PTPRJ: variants seen among roughly 807,000 people sequenced by gnomAD.
PTPRJ encodes receptor-type tyrosine-protein phosphatase eta.
Under a neutral mutation model 141.3 loss-of-function variants are expected in PTPRJ, and 129 were observed. The observed-to-expected ratio is 0.91, with a 90% CI of 0.79 to 1.06. The LOEUF (loss-of-function observed/expected upper bound fraction) is 1.06. Among genes scored for constraint, PTPRJ ranks in the 50% least tolerant of loss-of-function variants. The pLI is 0.00. For missense variants in PTPRJ, 1,601 were observed against 1,679.7 expected (o/e 0.95, Z 0.82); for synonymous variants, 610 against 640.5 (o/e 0.95, Z 0.72).
chr11:47,999,898 C>T (rs1854446691), intron 1 of PTPRJ, among the ~76,000 whole-genome samples: 1 of 145,924 alleles, frequency 6.9e-6, no homozygotes. Context: ...GCTCTGTCAC[C>T]CAGGCTGGAG....
At chr11:48,059,501 A>T (rs1590452088) in intron 1 of PTPRJ, among the ~76,000 whole-genome samples, 1 of 152,098 alleles carries the variant, frequency 6.6e-6, no homozygotes, top group Non-Finnish European at 1.5e-5. Context: ...CTACAGGGGG[A>T]TGCTGGTCTG....
chr11:48,115,390 G>A (rs1856539581), intron 3 of PTPRJ, among the ~76,000 whole-genome samples: 1 of 152,036 alleles, frequency 6.6e-6, no homozygotes, highest in South Asian at 2.1e-4. Flanking sequence ...GAGAGAGTGG[G>A]ATGATATATT....
At chr11:48,051,460 G>A (rs1019611589) in intron 1 of PTPRJ, among the ~76,000 whole-genome samples, 1 of 152,162 alleles carries the variant, frequency 6.6e-6, no homozygotes, top group Non-Finnish European at 1.5e-5. Flanking sequence ...CATGGCATAG[G>A]AAAATGATTC....
chr11:48,032,620 G>A (rs1004346763), intron 1 of PTPRJ, among the ~76,000 whole-genome samples: 4 of 152,124 alleles, frequency 2.6e-5, no homozygotes, highest in Admixed American at 6.5e-5. Flanking sequence ...TTAGTCGGGC[G>A]TGGTGGCACA....
At chr11:48,130,171 C>CA (rs1856937555) in intron 7 of PTPRJ, among the ~76,000 whole-genome samples, 1 of 151,084 alleles carries the variant, frequency 6.6e-6, no homozygotes, top group African/African-American at 2.4e-5. Flanking sequence ...GGTTCTCCTC[C>CA]AGAGCCTGAG....
At chr11:48,098,084 C>T (rs945374454) in intron 1 of PTPRJ, among the ~76,000 whole-genome samples, 1 of 152,174 alleles carries the variant, frequency 6.6e-6, no homozygotes, top group Admixed American at 6.5e-5. Context: ...AGGATCTTGT[C>T]CCCTTTATGA....
chr11:48,083,365 G>A (rs1855617190), intron 1 of PTPRJ, among the ~76,000 whole-genome samples: 1 of 152,230 alleles, frequency 6.6e-6, no homozygotes. Context: ...GGAGGCGAAG[G>A]TTGCAGTGAG....
At chr11:48,064,588 G>A (rs868787001) in intron 1 of PTPRJ, among the ~76,000 whole-genome samples, 32 of 151,510 alleles carry the variant, frequency 2.1e-4, no homozygotes, top group Non-Finnish European at 1.2e-4. Flanking sequence ...TACGAAGCCC[G>A]AGCTGCAAAT....
chr11:47,980,886 C>A lies in PTPRJ; in HGVS notation c.-27C>A. On this transcript the variant is annotated 5_prime_UTR_variant, in exon 1 of 25. Coordinates refer to ENST00000418331, the MANE Select transcript of PTPRJ (RefSeq NM_002843.4). ...CACGGCGGGGCCCGATTCGCGCGTC[C>A]GGGGCACGTTCCAGGGCGCGCGGGG... 2 of 1,126,266 alleles carry A rather than the reference C, an allele frequency of 1.8e-6. No homozygotes were observed. Among genetic ancestry groups the A allele is most frequent in the East Asian group, 4.8e-5 (1 of 20,974 alleles). 69.8% of individuals were successfully genotyped at this position (1,126,266 alleles called of 1,614,324 possible). A position where few individuals can be genotyped will look rare whatever the true frequency, so the allele number is the denominator to read the frequency against.
At chr11:48,123,164 G>A (rs1452667084) in intron 4 of PTPRJ, among the ~76,000 whole-genome samples, 1 of 152,178 alleles carries the variant, frequency 6.6e-6, no homozygotes, top group Non-Finnish European at 1.5e-5. Flanking sequence ...AAATGTCTTG[G>A]TAATTTAAAA....
intron 1 of PTPRJ, among the ~76,000 whole-genome samples, chr11:48,106,763 CTTTTTTTTTTT>C (rs35643138): frequency 3.5e-5 from 3 of 86,452 alleles, no homozygotes; most frequent in African/African-American, 1.3e-4. Flanking sequence ...TTCTTTCTTT[CTTTTTTTTTTT>C]TTTTTTTTTT....
At position 48,131,490 on chromosome 11, in the gene PTPRJ, C is replaced by G. The variant is rs1476329430; in HGVS notation, c.1615+774C>G. On this transcript the variant is annotated intron_variant, in intron 8 of 24. Coordinates refer to ENST00000418331, the MANE Select transcript of PTPRJ (RefSeq NM_002843.4). ...CAATTAATTATGAATATTCTTTCCTCTTAATAAAATATTTCTACAGGATGA... is the reference window on the plus strand; with the variant it reads ...CAATTAATTATGAATATTCTTTCCTGTTAATAAAATATTTCTACAGGATGA... 7 of 774,648 alleles carry G rather than the reference C, an allele frequency of 9.0e-6. No homozygotes were observed. The Admixed American group carries it at 1.2e-4, about 13-fold the overall frequency. 48.0% of individuals were successfully genotyped at this position (774,648 alleles called of 1,614,324 possible).
At chr11:47,988,332 T>A (rs1854104209) in intron 1 of PTPRJ, among the ~76,000 whole-genome samples, 1 of 151,530 alleles carries the variant, frequency 6.6e-6, no homozygotes, top group Non-Finnish European at 1.5e-5. Context: ...TTTTTTAAAA[T>A]TTTTAATTTT....
chr11:48,045,519 G>T (rs757908022), intron 1 of PTPRJ, among the ~76,000 whole-genome samples: 7 of 152,192 alleles, frequency 4.6e-5, no homozygotes, highest in Non-Finnish European at 7.3e-5. Flanking sequence ...GAAACCGTTT[G>T]CTCCCGACTT....
intron 10 of PTPRJ, 55 bp downstream of exon 10, chr11:48,137,336 C>CA: frequency 1.9e-6 from 3 of 1,545,970 alleles, no homozygotes; most frequent in Non-Finnish European, 2.6e-6. Flanking sequence ...GCTGACCTTG[C>CA]AGGTCAGTCC....
intron 1 of PTPRJ, among the ~76,000 whole-genome samples, chr11:48,055,977 C>T (rs139663203): frequency 4.0e-4 from 61 of 152,250 alleles, no homozygotes; most frequent in African/African-American, 1.4e-3. Flanking sequence ...TCAGAGAAGC[C>T]GGAGCTGAAT....
At chr11:48,083,504 C>T (rs1293412601) in intron 1 of PTPRJ, among the ~76,000 whole-genome samples, 1 of 152,230 alleles carries the variant, frequency 6.6e-6, no homozygotes, top group African/African-American at 2.4e-5. Flanking sequence ...CTCAGGCTTG[C>T]TGAATAAGGC....
At chr11:48,095,579 CTTTT>C (rs11378534) in intron 1 of PTPRJ, among the ~76,000 whole-genome samples, 3 of 137,012 alleles carry the variant, frequency 2.2e-5, no homozygotes, top group Admixed American at 1.5e-4. Context: ...CAAACATATA[CTTTT>C]TTTTTTTTTT....
chr11:48,164,263 C>A, intron 23 of PTPRJ, 117 bp from the exon 24 acceptor site: 1 of 1,282,568 alleles, frequency 7.8e-7, no homozygotes, highest in Non-Finnish European at 1.1e-6. Context: ...TGATCCTGTG[C>A]ATTGCCCTCA....
Sources: allele counts gnomAD v4.1 joint callset (sites outside exome capture counted in the v4.1 genomes callset), GRCh38; gene constraint gnomAD v4.1.1; transcripts MANE v1.5; gene names NCBI Gene and HGNC (gene_info 2026-07-23, HGNC 2026-07-21).